The following SLC9D1 variants were observed in gnomAD, a reference collection of about 807,000 sequenced individuals.
SLC9D1 encodes solute carrier family 9 member D1, also known as putative LAG1-interacting protein.
the SLC9D1 span, chr13:113,501,697 C>G: frequency 9.3e-5 from 136 of 1,456,010 alleles, no homozygotes; most frequent in African/African-American, 1.6e-3. Context: ...CCAGCCAGCC[C>G]CCTTCTTACC....
At chr13:113,508,498 A>G in the SLC9D1 span, among the ~76,000 whole-genome samples, 4 of 152,240 alleles carry the variant, frequency 2.6e-5, no homozygotes, top group Non-Finnish European at 4.4e-5. Flanking sequence ...ATTGCCAAGC[A>G]TAGGAAGTAG....
the SLC9D1 span, among the ~76,000 whole-genome samples, chr13:113,532,309 G>C: frequency 6.6e-6 from 1 of 152,202 alleles, no homozygotes; most frequent in Non-Finnish European, 1.5e-5. Context: ...GCCCCCAGAC[G>C]CACAGGCTCT....
the SLC9D1 span, among the ~76,000 whole-genome samples, chr13:113,545,044 T>C: frequency 6.8e-6 from 1 of 146,758 alleles, no homozygotes; most frequent in African/African-American, 2.7e-5. Flanking sequence ...GTTCCCCGCA[T>C]TCAGAAGCAG....
chr13:113,532,362 C>T, the SLC9D1 span, among the ~76,000 whole-genome samples: 1 of 152,164 alleles, frequency 6.6e-6, no homozygotes, highest in Admixed American at 6.5e-5. Flanking sequence ...GCAGCTAAGC[C>T]TGTTGGGAGA....
chr13:113,529,834 C>T, the SLC9D1 span: 8 of 152,146 alleles, frequency 5.3e-5, no homozygotes, highest in Admixed American at 6.5e-5. Flanking sequence ...AGTGTGAATC[C>T]ACCTGATACC....
At chr13:113,499,646 G>A in the SLC9D1 span, among the ~76,000 whole-genome samples, 2 of 152,134 alleles carry the variant, frequency 1.3e-5, no homozygotes, top group Non-Finnish European at 2.9e-5. Flanking sequence ...GATTAGAAAA[G>A]AAAGCAGAGA....
At chr13:113,520,862 G>A in the SLC9D1 span, 7 of 699,016 alleles carry the variant, frequency 1.0e-5, no homozygotes, top group Non-Finnish European at 1.7e-5. Context: ...ACAGTCCCTG[G>A]AGCAACACTG....
chr13:113,531,683 C>T, the SLC9D1 span, among the ~76,000 whole-genome samples: 1 of 152,110 alleles, frequency 6.6e-6, no homozygotes, highest in African/African-American at 2.4e-5. Flanking sequence ...GGTGACACGG[C>T]GCCCCGTACA....
chr13:113,507,732 G>A, the SLC9D1 span, among the ~76,000 whole-genome samples: 252 of 152,296 alleles, frequency 1.7e-3, 1 homozygote, highest in Admixed American at 0.014. Flanking sequence ...TGGGAGTTTC[G>A]TTTGCTTCTG....
chr13:113,520,131 A>G, the SLC9D1 span, among the ~76,000 whole-genome samples: 1 of 152,204 alleles, frequency 6.6e-6, no homozygotes, highest in South Asian at 2.1e-4. Context: ...TTGCTCTACA[A>G]CATTTTTAAT....
chr13:113,503,056 A>C, the SLC9D1 span, among the ~76,000 whole-genome samples: 1 of 152,242 alleles, frequency 6.6e-6, no homozygotes, highest in Non-Finnish European at 1.5e-5. Context: ...GGTCTTTTTC[A>C]CGTGATTCAA....
chr13:113,511,543 G>C, the SLC9D1 span, among the ~76,000 whole-genome samples: 40 of 152,362 alleles, frequency 2.6e-4, no homozygotes, highest in African/African-American at 9.6e-4. Flanking sequence ...TGCGGGGCCT[G>C]AGGCGCCAGT....
chr13:113,533,963 GA>G, the SLC9D1 span: 14 of 1,100,236 alleles, frequency 1.3e-5, no homozygotes, highest in South Asian at 9.2e-5. Context: ...GCATGTTAAA[GA>G]AAAAAACTGA....
chr13:113,547,081 C>T, the SLC9D1 span: 3 of 548,758 alleles, frequency 5.5e-6, no homozygotes, highest in South Asian at 2.0e-5. Flanking sequence ...GCTGGGATCC[C>T]ACCACATCAG....
the SLC9D1 span, chr13:113,536,684 G>A: frequency 2.2e-6 from 1 of 462,630 alleles, no homozygotes; most frequent in Non-Finnish European, 2.8e-6. Context: ...AGCTGCTTGG[G>A]GTGCTGGGCC....
chr13:113,498,299 A>G, the SLC9D1 span: 1 of 1,388,858 alleles, frequency 7.2e-7, no homozygotes, highest in African/African-American at 1.5e-5. Context: ...GTCCTAGCTT[A>G]TTTCTTAATA....
At chr13:113,548,598 C>T in the SLC9D1 span, 2 of 824,230 alleles carry the variant, frequency 2.4e-6, no homozygotes, top group East Asian at 2.7e-5. Flanking sequence ...GGCCTGGCTG[C>T]TCTCTGCTCA....
At chr13:113,532,551 A>G in the SLC9D1 span, among the ~76,000 whole-genome samples, 1 of 152,034 alleles carries the variant, frequency 6.6e-6, no homozygotes, top group Non-Finnish European at 1.5e-5. Flanking sequence ...GATCAGGAGG[A>G]GGCCACTGGA....
the SLC9D1 span, among the ~76,000 whole-genome samples, chr13:113,502,852 C>T: frequency 3.3e-5 from 5 of 152,140 alleles, no homozygotes; most frequent in African/African-American, 4.8e-5. Flanking sequence ...TTCTCCAGAT[C>T]GCAGGGCGGC....
Sources: gnomAD v4.1 joint callset for allele counts (sites outside exome capture counted in the v4.1 genomes callset) on GRCh38, gnomAD v4.1.1 for gene constraint, MANE v1.5 for transcripts, NCBI Gene and HGNC (gene_info 2026-07-23, HGNC 2026-07-21) for gene names.